PTPRM: variants seen among roughly 807,000 people sequenced by gnomAD.
PTPRM encodes protein tyrosine phosphatase receptor type M.
PTPRM carries 47 observed loss-of-function variants against 186.7 expected under a neutral mutation model. That is an observed-to-expected ratio of 0.25 (90% CI 0.20 to 0.32). The LOEUF (loss-of-function observed/expected upper bound fraction) is 0.32. Among genes scored for constraint, PTPRM ranks in the 10% least tolerant of loss-of-function variants. PTPRM has a pLI of 1.00. For synonymous variants in PTPRM, 668 were observed against 674.9 expected (o/e 0.99, Z 0.16); for missense variants, 1,494 against 1,865.0 (o/e 0.80, Z 3.66).
chr18:8,320,134 A>G (rs3786385), intron 22 of PTPRM, among the ~76,000 whole-genome samples: 54,728 of 152,038 alleles, frequency 0.36, 11,130 homozygotes, highest in African/African-American at 0.56. Flanking sequence ...CATTGTTTTC[A>G]GCAATAGGCT....
intron 1 of PTPRM, among the ~76,000 whole-genome samples, chr18:7,714,837 T>A (rs928111467): frequency 5.9e-5 from 9 of 152,164 alleles, no homozygotes; most frequent in African/African-American, 2.2e-4. Context: ...AATCCCTGAA[T>A]AGACCAATAA....
At chr18:7,960,790 C>T (rs1237377336) in intron 7 of PTPRM, among the ~76,000 whole-genome samples, 1 of 149,976 alleles carries the variant, frequency 6.7e-6, no homozygotes, top group African/African-American at 2.4e-5. Flanking sequence ...CTACACACAA[C>T]ACATGTGTAT....
At chr18:7,932,210 A>G (rs2051530912) in intron 5 of PTPRM, among the ~76,000 whole-genome samples, 1 of 152,204 alleles carries the variant, frequency 6.6e-6, no homozygotes, top group African/African-American at 2.4e-5. Flanking sequence ...TGATCAGGCT[A>G]GGGGTTGAGG....
At chr18:8,127,274 TA>T (rs2092391599) in intron 13 of PTPRM, among the ~76,000 whole-genome samples, 2 of 152,094 alleles carry the variant, frequency 1.3e-5, no homozygotes, top group Non-Finnish European at 2.9e-5. Flanking sequence ...GAGCACATGC[TA>T]GGGAACTTAA....
At chr18:8,213,215 C>A (rs1395057149) in intron 14 of PTPRM, among the ~76,000 whole-genome samples, 1 of 152,160 alleles carries the variant, frequency 6.6e-6, no homozygotes, top group Admixed American at 6.5e-5. Flanking sequence ...TAAGTATATT[C>A]TGTGAGGATC....
chr18:8,113,578 A>G lies in PTPRM; in HGVS notation c.1949A>G (p.Gln650Arg). The G allele has an allele frequency of 6.2e-7, 1 of 1,614,174 alleles. No homozygotes were observed. The highest frequency in any genetic ancestry group is 8.5e-7 in the Non-Finnish European group (1 of 1,179,986). The change falls in exon 12 of 33, where the codon CAG (glutamine) becomes CGG (arginine). Residue 650 changes from glutamine to arginine, a missense_variant. Coordinates refer to ENST00000580170, the MANE Select transcript of PTPRM (RefSeq NM_001105244.2). ...LKCYPVPIHFQNASLLNSQYY... is the reference protein window; with the variant it reads ...LKCYPVPIHFRNASLLNSQYY... ...TGCTACCCAGTGCCAATTCACTTCC[A>G]GAATGCTTCTCTGCTGAACTCACAG...
chr18:7,874,829 C>G (rs193293337), intron 2 of PTPRM, among the ~76,000 whole-genome samples: 1 of 152,276 alleles, frequency 6.6e-6, no homozygotes, highest in Admixed American at 6.5e-5. Context: ...TATCCTATAG[C>G]TCCCACAGAA....
chr18:7,830,272 G>C (rs1203815141), intron 2 of PTPRM, among the ~76,000 whole-genome samples: 1 of 152,090 alleles, frequency 6.6e-6, no homozygotes, highest in African/African-American at 2.4e-5. Flanking sequence ...GCCAATCAGA[G>C]CCTCAGTTTC....
intron 14 of PTPRM, among the ~76,000 whole-genome samples, chr18:8,227,714 A>T (rs2094231797): frequency 6.6e-6 from 1 of 152,164 alleles, no homozygotes. Context: ...TCTCTTTCTC[A>T]CTTATATTTA....
chr18:7,605,722 G>A (rs1051348333), intron 1 of PTPRM, among the ~76,000 whole-genome samples: 1 of 152,162 alleles, frequency 6.6e-6, no homozygotes, highest in Non-Finnish European at 1.5e-5. Context: ...TTGCTTAAGC[G>A]TGTGAGGTTC....
intron 14 of PTPRM, among the ~76,000 whole-genome samples, chr18:8,216,994 C>T (rs2094095009): frequency 6.6e-6 from 1 of 152,164 alleles, no homozygotes; most frequent in Admixed American, 6.5e-5. Flanking sequence ...ATGGAAATAG[C>T]TTCGCGTAGA....
intron 14 of PTPRM, among the ~76,000 whole-genome samples, chr18:8,161,883 A>G (rs2093236353): frequency 6.6e-6 from 1 of 152,064 alleles, no homozygotes; most frequent in Non-Finnish European, 1.5e-5. Context: ...GGCATCAGTT[A>G]TCTTGTAGGT....
chr18:7,755,435 G>A (rs937180618), intron 1 of PTPRM, among the ~76,000 whole-genome samples: 3 of 152,192 alleles, frequency 2.0e-5, no homozygotes, highest in African/African-American at 4.8e-5. Flanking sequence ...GCCTTTTGGG[G>A]TATGGATAAG....
At chr18:8,129,996 T>A (rs960256441) in intron 13 of PTPRM, among the ~76,000 whole-genome samples, 2 of 152,202 alleles carry the variant, frequency 1.3e-5, no homozygotes, top group African/African-American at 4.8e-5. Flanking sequence ...CTTCCATGTC[T>A]CCAATGGGCT....
intron 2 of PTPRM, among the ~76,000 whole-genome samples, chr18:7,777,088 C>G (rs1361303728): frequency 1.3e-5 from 2 of 152,156 alleles, no homozygotes; most frequent in Non-Finnish European, 1.5e-5. Flanking sequence ...ATGAATTTCT[C>G]AGGGCAAATG....
intron 1 of PTPRM, among the ~76,000 whole-genome samples, chr18:7,646,443 CT>C (rs2038566365): frequency 6.6e-6 from 1 of 152,132 alleles, no homozygotes; most frequent in South Asian, 2.1e-4. Context: ...TTTGATGTGT[CT>C]TTTGTAAATG....
At chr18:7,808,735 T>G (rs2044359881) in intron 2 of PTPRM, among the ~76,000 whole-genome samples, 1 of 152,190 alleles carries the variant, frequency 6.6e-6, no homozygotes, top group Non-Finnish European at 1.5e-5. Context: ...ATGGGTTGGA[T>G]AGGAAGTTAA....
At chr18:7,845,374 G>A (rs752707215) in intron 2 of PTPRM, among the ~76,000 whole-genome samples, 7 of 152,104 alleles carry the variant, frequency 4.6e-5, no homozygotes, top group Non-Finnish European at 5.9e-5. Context: ...AAATGTCCAC[G>A]TCAACTTATG....
intron 1 of PTPRM, among the ~76,000 whole-genome samples, chr18:7,572,510 A>G (rs1430863182): frequency 6.6e-6 from 1 of 152,200 alleles, no homozygotes; most frequent in Non-Finnish European, 1.5e-5. Context: ...TAGAGGAACT[A>G]TGTATTAGAT....
Sources: gnomAD v4.1 joint callset for allele counts (sites outside exome capture counted in the v4.1 genomes callset) on GRCh38, gnomAD v4.1.1 for gene constraint, MANE v1.5 for transcripts, NCBI Gene and HGNC (gene_info 2026-07-23, HGNC 2026-07-21) for gene names.